The following ZMYM6 variants were observed in gnomAD, a reference collection of about 807,000 sequenced individuals.
ZMYM6 encodes the protein zinc finger MYM-type containing 6.
Under a neutral mutation model 134.0 loss-of-function variants are expected in ZMYM6, and 90 were observed. The ratio of observed to expected loss-of-function variants is 0.67; its 90% CI spans 0.57 to 0.80. The LOEUF is 0.80. Among genes scored for constraint, ZMYM6 ranks in the 30% least tolerant of loss-of-function variants. The pLI is 0.00. For synonymous variants in ZMYM6, 481 were observed against 524.1 expected, an observed-to-expected ratio of 0.92 and a Z score of 1.12; for missense variants, 1,362 against 1,533.9, an observed-to-expected ratio of 0.89 and a Z score of 1.87.
intron 10 of ZMYM6, among the ~76,000 whole-genome samples, chr1:35,009,648 T>C (rs1286121699): frequency 6.6e-6 from 1 of 152,152 alleles, no homozygotes; most frequent in Admixed American, 6.5e-5. Context: ...AAGACTGACT[T>C]TCAGCCAGGC....
intron 14 of ZMYM6, among the ~76,000 whole-genome samples, chr1:35,001,466 A>C (rs1373933686): frequency 6.6e-6 from 1 of 152,142 alleles, no homozygotes; most frequent in East Asian, 1.9e-4. Flanking sequence ...TAAAAAACTA[A>C]ATAATTCAAA....
intron 2 of ZMYM6, among the ~76,000 whole-genome samples, chr1:35,027,849 G>C (rs1641442369): frequency 6.6e-6 from 1 of 152,182 alleles, no homozygotes. Context: ...ACTTTAGGCA[G>C]AGAAAGAGTA....
chr1:35,010,699 C>A, intron 9 of ZMYM6, 59 bp downstream of exon 9: 1 of 1,538,712 alleles, frequency 6.5e-7, no homozygotes, highest in Non-Finnish European at 8.7e-7. Context: ...AAATTGAAAA[C>A]ACAAAAGTGT....
intron 13 of ZMYM6, among the ~76,000 whole-genome samples, chr1:35,004,426 A>G (rs574081496): frequency 1.3e-5 from 2 of 152,240 alleles, no homozygotes; most frequent in East Asian, 3.9e-4. Context: ...CCTGGCCAAC[A>G]TGGTGAAACC....
At chr1:34,993,297 G>A (rs1640719326) in intron 14 of ZMYM6, among the ~76,000 whole-genome samples, 1 of 151,950 alleles carries the variant, frequency 6.6e-6, no homozygotes, top group Non-Finnish European at 1.5e-5. Context: ...ATTTTTAGTA[G>A]AGATGGTGTT....
intron 11 of ZMYM6, 70 bp from the exon 12 acceptor site, chr1:35,007,168 A>G: frequency 1.4e-6 from 2 of 1,475,764 alleles, no homozygotes; most frequent in South Asian, 1.4e-5. Context: ...TTAATCATAA[A>G]AAGAGGGACT....
chr1:35,017,689 A>G (rs1641229814), intron 4 of ZMYM6: 1 of 152,192 alleles, frequency 6.6e-6, no homozygotes, highest in Admixed American at 6.5e-5. Flanking sequence ...TCATGTTTTA[A>G]CAGTATGACT....
intron 14 of ZMYM6, among the ~76,000 whole-genome samples, chr1:34,996,782 C>T (rs762505284): frequency 6.6e-6 from 1 of 152,204 alleles, no homozygotes. Context: ...TATGCCTGCA[C>T]AGCAACTCTA....
chr1:35,017,979 G>A (rs1474545375), intron 4 of ZMYM6: 1 of 152,084 alleles, frequency 6.6e-6, no homozygotes, highest in Non-Finnish European at 1.5e-5. Flanking sequence ...AGTTTCATGA[G>A]AATGACATAA....
intron 15 of ZMYM6, chr1:34,989,276 A>G: frequency 9.9e-7 from 1 of 1,015,088 alleles, no homozygotes; most frequent in Non-Finnish European, 1.2e-6. Context: ...GGTGGCTCAC[A>G]CCTATAATCC....
At position 34,992,693 on chromosome 1, in the gene ZMYM6, A is replaced by AATATATTTATAAACTATAAAT. The variant is rs1557558288; in HGVS notation, c.1993-307_1993-306insATTTATAGTTTATAAATATAT. Among the ~76,000 whole-genome samples, 162 of 102,096 alleles carry AATATATTTATAAACTATAAAT rather than the reference A, an allele frequency of 1.6e-3. 1 individual carries two copies. The highest frequency in any genetic ancestry group is 0.015 in the African/African-American group (155 of 10,398). 67.0% of individuals were successfully genotyped at this position (102,096 alleles called of 152,430 possible). A position where few individuals can be genotyped will look rare whatever the true frequency, so the allele number is the denominator to read the frequency against. The stretch of plus-strand genomic sequence containing the variant: ...ATAAAAATATATTTGTAAATATAAA[A>AATATATTTATAAACTATAAAT]ATAAAAATATACTTATAAACTATAA... On this transcript the variant is annotated intron_variant, in intron 14 of 15. Transcript: ENST00000357182.
chr1:34,987,733 A>C lies in ZMYM6; in HGVS notation c.3349T>G (p.Ser1117Ala). The stretch of plus-strand genomic sequence containing the variant: ...TCATTTATAAGTGAAAATATATCTG[A>C]TAAGTAGGCCAGCTTTCCAACCCAT... ...EEWVGKLAYL[S>A]DIFSLINELN... The change falls in exon 16 of 16, where the codon TCA (serine) becomes GCA (alanine). Residue 1117 changes from serine to alanine, a missense_variant. Coordinates refer to ENST00000357182, the MANE Select transcript of ZMYM6 (RefSeq NM_007167.4). 6.4e-7 allele frequency: 1 copy of C among 1,551,446 alleles called. No individual in the cohort carries two copies. The highest frequency in any genetic ancestry group is 1.2e-5 in the South Asian group (1 of 83,986).
chr1:35,011,501 A>G (rs1465286218), intron 8 of ZMYM6, among the ~76,000 whole-genome samples: 3 of 152,180 alleles, frequency 2.0e-5, no homozygotes, highest in Admixed American at 6.5e-5. Flanking sequence ...GTGGATGCTT[A>G]CAATTCCATG....
At chr1:35,007,943 A>G (rs1337714591) in intron 11 of ZMYM6, among the ~76,000 whole-genome samples, 1 of 152,226 alleles carries the variant, frequency 6.6e-6, no homozygotes, top group African/African-American at 2.4e-5. Flanking sequence ...AGTAGTTGAT[A>G]TAATATGGGC....
chr1:34,988,828 C>T lies in ZMYM6; in HGVS notation c.2254G>A (p.Gly752Ser), dbSNP rs569811214. The T allele has an allele frequency of 2.5e-6, 4 of 1,571,198 alleles. No individual in the cohort carries two copies. The East Asian group carries it at 7.0e-5, about 27-fold the overall frequency. The part of the protein sequence containing the change: ...QTYDTEYLKV[G>S]FIICPGSKES... ...TTTGATCCAGGACAGATAATAAAAC[C>T]AACTTTTAAATATTCTGTATCATAA... Residue 752 changes from glycine to serine, a missense_variant, in exon 16 of 16, where the codon GGT becomes AGT. Physicochemically the swap from Gly to Ser is moderately conservative, Grantham distance 56. This residue lies in a region of ZMYM6 where 824 missense variants were observed against 940.9 expected (regional missense o/e 0.88). Transcript: ENST00000357182.
chr1:35,011,218 A>G (rs780882774), intron 8 of ZMYM6, among the ~76,000 whole-genome samples, 182 bp from the exon 9 acceptor site: 13 of 152,208 alleles, frequency 8.5e-5, no homozygotes, highest in Non-Finnish European at 1.6e-4. Flanking sequence ...ACAACATTAA[A>G]AGGTCAAGGA....
In ZMYM6 at chr1:34,993,688, A is replaced by AT. The variant is rs879650348; in HGVS notation, c.1993-1302dup. Among the ~76,000 whole-genome samples the AT allele has an allele frequency of 3.1e-3, 446 of 145,384 alleles. 3 individuals carry two copies. Among genetic ancestry groups the AT allele is most frequent in the African/African-American group, 8.6e-3 (344 of 39,976 alleles). On this transcript the variant is annotated intron_variant, in intron 14 of 15. Coordinates refer to ENST00000357182, the MANE Select transcript of ZMYM6 (RefSeq NM_007167.4). ...AATAAAGCTCTTAAAAAGTAAATTAATTTTTTTTTTTTTGAGACGGAGTCT... is the reference window on the plus strand; with the variant it reads ...AATAAAGCTCTTAAAAAGTAAATTAATTTTTTTTTTTTTTGAGACGGAGTCT...
At chr1:34,997,684 T>C (rs1187676595) in intron 14 of ZMYM6, among the ~76,000 whole-genome samples, 1 of 152,228 alleles carries the variant, frequency 6.6e-6, no homozygotes, top group Non-Finnish European at 1.5e-5. Context: ...TTGTCATTTG[T>C]CTTTTGATTT....
intron 4 of ZMYM6, among the ~76,000 whole-genome samples, chr1:35,017,061 C>A (rs1017889011): frequency 6.6e-6 from 1 of 151,754 alleles, no homozygotes; most frequent in Non-Finnish European, 1.5e-5. Flanking sequence ...GTAACTGCCA[C>A]TTTACAGATG....
Sources: gnomAD v4.1 joint callset for allele counts (sites outside exome capture counted in the v4.1 genomes callset) on GRCh38, gnomAD v4.1.1 for gene constraint, gnomAD v4.1.1 regional missense constraint, MANE v1.5 for transcripts, NCBI Gene and HGNC (gene_info 2026-07-23, HGNC 2026-07-21) for gene names.